Variants in RANBP2 observed in about 807,000 individuals in gnomAD.
RANBP2 encodes the protein RAN binding protein 2, also known as E3 SUMO-protein ligase RanBP2.
In RANBP2, 57 loss-of-function variants were observed where a neutral mutation model predicts 303.6. The observed-to-expected ratio is 0.19, with a 90% CI of 0.15 to 0.23. RANBP2 has a LOEUF of 0.23. Ranked by LOEUF, RANBP2 falls within the 10% of genes least tolerant of loss-of-function variation. The pLI, the probability that RANBP2 is intolerant of heterozygous loss-of-function variation, is 1.00. For missense variants in RANBP2, 3,138 were observed against 3,780.8 expected, an observed-to-expected ratio of 0.83 and a Z score of 4.46; for synonymous variants, 1,167 against 1,301.5, an observed-to-expected ratio of 0.90 and a Z score of 2.23.
the RANBP2 span, among the ~76,000 whole-genome samples, chr2:109,132,124 C>T: frequency 6.6e-6 from 1 of 152,168 alleles, no homozygotes; most frequent in Non-Finnish European, 1.5e-5. Flanking sequence ...GATGTTGTTG[C>T]ATGTTGTTTA....
chr2:109,004,416 T>A, the RANBP2 span, among the ~76,000 whole-genome samples: 2 of 152,312 alleles, frequency 1.3e-5, no homozygotes, highest in South Asian at 4.1e-4. Context: ...ATCCTCAGAC[T>A]GTATGCCACC....
chr2:109,209,148 C>G, the RANBP2 span, among the ~76,000 whole-genome samples: 1 of 152,206 alleles, frequency 6.6e-6, no homozygotes, highest in Non-Finnish European at 1.5e-5. Flanking sequence ...GGTCCAAACC[C>G]TCTGTGCTGT....
chr2:108,929,476 TC>T, the RANBP2 span: 1 of 1,307,872 alleles, frequency 7.6e-7, no homozygotes, highest in Non-Finnish European at 1.1e-6. Context: ...GCCAGCTGTC[TC>T]CAGAAGCTAC....
chr2:109,090,509 C>A, the RANBP2 span, among the ~76,000 whole-genome samples: 1 of 152,140 alleles, frequency 6.6e-6, no homozygotes, highest in Non-Finnish European at 1.5e-5. Context: ...GCATCCACCT[C>A]CTCATGACGA....
At chr2:108,740,143 G>T (rs1256036697) in intron 6 of RANBP2, among the ~76,000 whole-genome samples, 1 of 152,202 alleles carries the variant, frequency 6.6e-6, no homozygotes, top group Non-Finnish European at 1.5e-5. Context: ...ATTAAATAAT[G>T]AAATTATATG....
chr2:109,526,925 A>G, the RANBP2 span, among the ~76,000 whole-genome samples: 1 of 152,102 alleles, frequency 6.6e-6, no homozygotes, highest in Non-Finnish European at 1.5e-5. Context: ...CTCTAGCACG[A>G]GGCTCGAGCC....
At chr2:109,128,976 C>G in the RANBP2 span, 121 of 423,604 alleles carry the variant, frequency 2.9e-4, no homozygotes, top group Middle Eastern at 4.3e-4. Context: ...CCGCGCGCAC[C>G]CCCGCGCACG....
At chr2:109,653,654 G>A in the RANBP2 span, among the ~76,000 whole-genome samples, 1 of 152,154 alleles carries the variant, frequency 6.6e-6, no homozygotes, top group Admixed American at 6.5e-5. Context: ...CCTTCTGGGT[G>A]TGACATAGGT....
At chr2:109,326,577 G>A in the RANBP2 span, among the ~76,000 whole-genome samples, 4 of 152,258 alleles carry the variant, frequency 2.6e-5, no homozygotes, top group African/African-American at 9.6e-5. Flanking sequence ...GGTTTAATTT[G>A]CAGTTCTTGG....
the RANBP2 span, among the ~76,000 whole-genome samples, chr2:109,600,070 A>C: frequency 6.6e-6 from 1 of 152,068 alleles, no homozygotes; most frequent in Non-Finnish European, 1.5e-5. Context: ...TGCAGTATAG[A>C]CCCAAGACCA....
the RANBP2 span, among the ~76,000 whole-genome samples, chr2:109,452,584 G>A: frequency 1.3e-5 from 2 of 152,182 alleles, no homozygotes; most frequent in African/African-American, 4.8e-5. Flanking sequence ...CGTAGAGTAG[G>A]GAGTAATTTT....
At chr2:109,779,599 C>CT in the RANBP2 span, among the ~76,000 whole-genome samples, 1 of 120,162 alleles carries the variant, frequency 8.3e-6, no homozygotes, top group Non-Finnish European at 1.7e-5. Flanking sequence ...TAGTCCAGGG[C>CT]TTATCAAATT....
At chr2:109,543,604 G>A in the RANBP2 span, 2 of 152,112 alleles carry the variant, frequency 1.3e-5, no homozygotes, top group South Asian at 4.1e-4. Flanking sequence ...TATAAAAAAG[G>A]TTCATCTTGG....
At chr2:108,968,880 G>A in the RANBP2 span, among the ~76,000 whole-genome samples, 5 of 152,178 alleles carry the variant, frequency 3.3e-5, no homozygotes, top group Admixed American at 1.3e-4. Context: ...GCCCAGTCAC[G>A]GTAGGGTTAC....
At chr2:109,013,057 T>C in the RANBP2 span, among the ~76,000 whole-genome samples, 1 of 152,222 alleles carries the variant, frequency 6.6e-6, no homozygotes, top group Non-Finnish European at 1.5e-5. Flanking sequence ...GTTTAACACC[T>C]AACACCTTAT....
chr2:109,315,404 C>G, the RANBP2 span, among the ~76,000 whole-genome samples: 1 of 152,240 alleles, frequency 6.6e-6, no homozygotes, highest in African/African-American at 2.4e-5. Flanking sequence ...AAGTAAACCT[C>G]TGTCCCTATC....
At chr2:108,729,369 T>C (rs1338436105) in intron 2 of RANBP2, among the ~76,000 whole-genome samples, 170 bp downstream of exon 2, 1 of 152,218 alleles carries the variant, frequency 6.6e-6, no homozygotes, top group Admixed American at 6.5e-5. Context: ...TCCATTGAGA[T>C]TGAAACCGTA....
the RANBP2 span, among the ~76,000 whole-genome samples, chr2:109,548,620 CA>C: frequency 6.6e-6 from 1 of 151,708 alleles, no homozygotes; most frequent in Non-Finnish European, 1.5e-5. Flanking sequence ...TACTAAAATA[CA>C]AAAAATTAAC....
the RANBP2 span, among the ~76,000 whole-genome samples, chr2:109,135,881 A>G: frequency 2.6e-5 from 4 of 152,124 alleles, no homozygotes; most frequent in African/African-American, 9.7e-5. Context: ...AAAGGGAAAA[A>G]ACGTCTAAGC....
Sources: gnomAD v4.1 joint callset for allele counts (sites outside exome capture counted in the v4.1 genomes callset) on GRCh38, gnomAD v4.1.1 for gene constraint, MANE v1.5 for transcripts, NCBI Gene and HGNC (gene_info 2026-07-23, HGNC 2026-07-21) for gene names.